EVA1C: variants seen among roughly 807,000 people sequenced by gnomAD.
The protein encoded by EVA1C is eva-1 homolog C, also known as protein eva-1 homolog C.
In EVA1C, 25 loss-of-function variants were observed where a neutral mutation model predicts 45.4. The observed-to-expected ratio is 0.55, with a 90% CI of 0.40 to 0.77. The LOEUF is 0.77. EVA1C is among the 30% of genes least tolerant of loss of function. The pLI is 0.00. For synonymous variants in EVA1C, 190 were observed against 221.2 expected (o/e 0.86, Z 1.25); for missense variants, 479 against 554.8 (o/e 0.86, Z 1.37).
chr21:32,456,035 G>C (rs972719673), intron 2 of EVA1C, among the ~76,000 whole-genome samples: 1 of 152,118 alleles, frequency 6.6e-6, no homozygotes, highest in Non-Finnish European at 1.5e-5. Flanking sequence ...TGGGATCACA[G>C]GTGCCCACCA....
At chr21:32,454,490 G>A (rs1411472183) in intron 2 of EVA1C, among the ~76,000 whole-genome samples, 1 of 152,072 alleles carries the variant, frequency 6.6e-6, no homozygotes, top group Non-Finnish European at 1.5e-5. Flanking sequence ...TTTCAATGAT[G>A]GTTTTAGACT....
chr21:32,485,195 T>G (rs1470369223), intron 4 of EVA1C, among the ~76,000 whole-genome samples: 3 of 152,164 alleles, frequency 2.0e-5, no homozygotes, highest in African/African-American at 7.2e-5. Flanking sequence ...CACTCTCTTT[T>G]TTTTTGAAAT....
chr21:32,507,881 ATGTGTATCTGTGCATG>A (rs1159800110), intron 7 of EVA1C, among the ~76,000 whole-genome samples: 2 of 145,886 alleles, frequency 1.4e-5, no homozygotes, highest in East Asian at 4.1e-4. Context: ...ATGTGTGTGC[ATGTGTATCTGTGCATG>A]TGTGTATCTG....
At chr21:32,479,219 G>A (rs966655741) in intron 4 of EVA1C, among the ~76,000 whole-genome samples, 33 of 152,218 alleles carry the variant, frequency 2.2e-4, no homozygotes, top group African/African-American at 7.2e-4. Flanking sequence ...TCAGGAGTTC[G>A]AGACCAGCTT....
intron 1 of EVA1C, among the ~76,000 whole-genome samples, chr21:32,437,972 C>T (rs76223276): frequency 0.024 from 3,694 of 152,248 alleles, 89 homozygotes; most frequent in African/African-American, 0.062. Context: ...TAACACCGCA[C>T]GGCCCCCGGT....
At chr21:32,512,080 A>G (rs2833862) in intron 7 of EVA1C, among the ~76,000 whole-genome samples, 70,179 of 151,878 alleles carry the variant, frequency 0.46, 17,886 homozygotes, top group East Asian at 0.68. Context: ...AGAGACGGAA[A>G]ATAAAACTAT....
intron 2 of EVA1C, among the ~76,000 whole-genome samples, chr21:32,455,308 A>G (rs1300889901): frequency 1.3e-5 from 2 of 152,050 alleles, no homozygotes; most frequent in Admixed American, 6.6e-5. Context: ...CTCCTGAAAA[A>G]AAACAAAAAA....
chr21:32,486,323 A>G (rs1280365727), intron 4 of EVA1C, among the ~76,000 whole-genome samples: 1 of 151,994 alleles, frequency 6.6e-6, no homozygotes, highest in Non-Finnish European at 1.5e-5. Flanking sequence ...GGGGGTTTCA[A>G]CATGTTGGCC....
At chr21:32,414,546 T>C (rs760951955) in intron 1 of EVA1C, among the ~76,000 whole-genome samples, 16 of 152,330 alleles carry the variant, frequency 1.1e-4, no homozygotes, top group Non-Finnish European at 1.8e-4. Context: ...TAGAGTTCTG[T>C]TGCTTTAGGG....
In EVA1C at chr21:32,412,794, T is replaced by C; in HGVS notation, c.-60T>C. On this transcript the variant is annotated 5_prime_UTR_variant, in exon 1 of 8. Coordinates refer to ENST00000300255, the MANE Select transcript of EVA1C (RefSeq NM_058187.5). Reference sequence around the variant, plus strand: ...TCTCCCCGCCATGTGACGCCGTCCTTAGCCCTGCGACCCCCAGCGCGTCCC... The same window carrying C: ...TCTCCCCGCCATGTGACGCCGTCCTCAGCCCTGCGACCCCCAGCGCGTCCC... 7.5e-7 allele frequency: 1 copy of C among 1,324,586 alleles called. No individual in the cohort carries two copies. The highest frequency in any genetic ancestry group is 9.6e-7 in the Non-Finnish European group (1 of 1,040,422). The allele number at this position is 1,324,586 out of a possible 1,614,324, so 82.1% of individuals were successfully genotyped here. A position where few individuals can be genotyped will look rare whatever the true frequency, so the allele number is the denominator to read the frequency against.
intron 4 of EVA1C, among the ~76,000 whole-genome samples, chr21:32,473,688 G>GAATT (rs1023472737): frequency 2.0e-5 from 3 of 152,276 alleles, no homozygotes; most frequent in African/African-American, 7.2e-5. Flanking sequence ...CAGAGGGATT[G>GAATT]TATTTATTTA....
intron 1 of EVA1C, among the ~76,000 whole-genome samples, chr21:32,447,560 T>C (rs1015023750): frequency 1.3e-5 from 2 of 151,780 alleles, no homozygotes; most frequent in South Asian, 2.1e-4. Flanking sequence ...CTTAATCACA[T>C]CTGCCAAGTC....
chr21:32,478,017 C>G (rs942267063), intron 4 of EVA1C, among the ~76,000 whole-genome samples: 6 of 146,828 alleles, frequency 4.1e-5, no homozygotes, highest in African/African-American at 1.5e-4. Flanking sequence ...ATTGGTCCCC[C>G]ACACAAGCTC....
At chr21:32,488,221 A>G (rs2037038053) in intron 4 of EVA1C, among the ~76,000 whole-genome samples, 2 of 152,238 alleles carry the variant, frequency 1.3e-5, no homozygotes, top group East Asian at 1.9e-4. Context: ...CTGAATAGAC[A>G]TTTCTCCAAG....
chr21:32,412,821 G>A lies in EVA1C; in HGVS notation c.-33G>A. ...GCCCTGCGACCCCCAGCGCGTCCCG[G>A]GCCTGCGCCTCCGCCCCGCCGCGCA... On this transcript the variant is annotated 5_prime_UTR_variant, in exon 1 of 8. Transcript: ENST00000300255. 1 of 1,373,540 alleles carries A rather than the reference G, an allele frequency of 7.3e-7. No individual in the cohort carries two copies. Among genetic ancestry groups the A allele is most frequent in the South Asian group, 1.7e-5 (1 of 58,538 alleles). The allele number at this position is 1,373,540 out of a possible 1,614,324, so 85.1% of individuals were successfully genotyped here. A position where few individuals can be genotyped will look rare whatever the true frequency, so the allele number is the denominator to read the frequency against.
intron 1 of EVA1C, among the ~76,000 whole-genome samples, chr21:32,446,872 T>C (rs1251390413): frequency 5.3e-5 from 8 of 152,128 alleles, no homozygotes; most frequent in Admixed American, 2.6e-4. Context: ...CACCTTGAAA[T>C]CACTCCTCAA....
intron 1 of EVA1C, among the ~76,000 whole-genome samples, chr21:32,415,557 G>A (rs2034002611): frequency 6.6e-6 from 1 of 152,048 alleles, no homozygotes; most frequent in African/African-American, 2.4e-5. Flanking sequence ...GGGGCTGTCA[G>A]CTGGTGTCGT....
chr21:32,430,121 T>C (rs937235822), intron 1 of EVA1C, among the ~76,000 whole-genome samples: 2 of 152,176 alleles, frequency 1.3e-5, no homozygotes, highest in African/African-American at 4.8e-5. Flanking sequence ...TAGCACCCTT[T>C]GGTGAGGGCA....
At chr21:32,472,544 G>A (rs1442636311) in intron 4 of EVA1C, among the ~76,000 whole-genome samples, 1 of 152,060 alleles carries the variant, frequency 6.6e-6, no homozygotes, top group East Asian at 1.9e-4. Flanking sequence ...GTTGAGATGG[G>A]AAGATCCCTT....
Sources: gnomAD v4.1 joint callset for allele counts (sites outside exome capture counted in the v4.1 genomes callset) on GRCh38, gnomAD v4.1.1 for gene constraint, MANE v1.5 for transcripts, NCBI Gene and HGNC (gene_info 2026-07-23, HGNC 2026-07-21) for gene names.